LGR4: variants seen among roughly 807,000 people sequenced by gnomAD.
LGR4 encodes leucine-rich repeat-containing G protein-coupled receptor 4.
A neutral mutation model predicts 84.8 loss-of-function variants in LGR4; 44 were observed. The observed-to-expected ratio is 0.52, with a 90% CI of 0.41 to 0.67. The LOEUF (loss-of-function observed/expected upper bound fraction) is 0.67, where lower values mean the gene tolerates loss of function less well. Among genes scored for constraint, LGR4 ranks in the 30% least tolerant of loss-of-function variants. LGR4 has a pLI of 0.00. For missense variants in LGR4, 1,032 were observed against 1,131.4 expected (o/e 0.91, Z 1.26); for synonymous variants, 429 against 434.3 (o/e 0.99, Z 0.15).
At position 27,460,085 on chromosome 11, in the gene LGR4, G is replaced by A. The variant is rs539053578; in HGVS notation, c.185+12033C>T. On this transcript the variant is annotated intron_variant, in intron 1 of 17. Coordinates refer to ENST00000379214, the MANE Select transcript of LGR4 (RefSeq NM_018490.5). ...AGCCTGGGCAACTGAACAAGACTCC[G>A]TCTCAAAAAAAAGAATAAGAGCTGA... Among the ~76,000 whole-genome samples the A allele has an allele frequency of 1.0e-3, 158 of 151,950 alleles. 1 individual carries two copies. The highest frequency in any genetic ancestry group is 3.4e-3 in the African/African-American group (143 of 41,474).
Position 27,470,663 on chromosome 11 carries a change from A to G in LGR4, c.185+1455T>C, listed in dbSNP as rs1864853327. ...TAACTTTATGAACAAAATGCTCTTC[A>G]CTGCAAAGTTAACTTTTTTTTTTAA... On this transcript the variant is annotated intron_variant, in intron 1 of 17. Coordinates refer to ENST00000379214, the MANE Select transcript of LGR4 (RefSeq NM_018490.5). Among the ~76,000 whole-genome samples, 5 of 150,642 alleles carry G rather than the reference A, an allele frequency of 3.3e-5. No homozygotes were observed. The South Asian group carries it at 1.1e-3, about 32-fold the overall frequency.
rs756457395 is a variant in LGR4 at position 27,398,960 on chromosome 11, G to A, written c.258-6442C>T. On this transcript the variant is annotated intron_variant, in intron 2 of 17. Coordinates refer to ENST00000379214, the MANE Select transcript of LGR4 (RefSeq NM_018490.5). ...TCATTCTTGTTGCCCAGGCTGGAGTGCAATGGCAGGATCTTGGCTCACTGC... is the reference window on the plus strand; with the variant it reads ...TCATTCTTGTTGCCCAGGCTGGAGTACAATGGCAGGATCTTGGCTCACTGC... 1.1e-4 allele frequency among the ~76,000 whole-genome samples: 17 copies of A among 152,086 alleles called. 1 individual carries two copies. The highest frequency in any genetic ancestry group is 4.4e-5 in the Non-Finnish European group (3 of 68,022).
chr11:27,453,589 C>T (rs1030953340), intron 1 of LGR4, among the ~76,000 whole-genome samples: 3 of 152,050 alleles, frequency 2.0e-5, no homozygotes, highest in African/African-American at 7.2e-5. Context: ...CACTAATCCC[C>T]CACCCCCCTG....
At chr11:27,373,909 T>G in intron 14 of LGR4, 66 bp downstream of exon 14, 1 of 1,182,946 alleles carries the variant, frequency 8.5e-7, no homozygotes, top group Non-Finnish European at 1.3e-6. Flanking sequence ...TCGACAATGT[T>G]AAAACAGATG....
At chr11:27,447,164 C>T (rs980261938) in intron 1 of LGR4, among the ~76,000 whole-genome samples, 2 of 151,798 alleles carry the variant, frequency 1.3e-5, no homozygotes, top group Non-Finnish European at 2.9e-5. Flanking sequence ...TACACATGTA[C>T]CCTAGAACTT....
chr11:27,381,076 A>T (rs1863084472), intron 7 of LGR4, 110 bp from the exon 8 acceptor site: 1 of 582,092 alleles, frequency 1.7e-6, no homozygotes, highest in African/African-American at 1.8e-5. Flanking sequence ...TAATGACTAC[A>T]TGAAAATTTT....
chr11:27,396,965 T>C (rs1236153646), intron 2 of LGR4, among the ~76,000 whole-genome samples: 1 of 152,188 alleles, frequency 6.6e-6, no homozygotes, highest in African/African-American at 2.4e-5. Context: ...TTTCAACCCA[T>C]CCACTCTTTG....
At chr11:27,462,685 C>A (rs1227823008) in intron 1 of LGR4, among the ~76,000 whole-genome samples, 1 of 152,034 alleles carries the variant, frequency 6.6e-6, no homozygotes, top group Non-Finnish European at 1.5e-5. Flanking sequence ...TGACAAATTG[C>A]ATTCTCACTC....
intron 1 of LGR4, among the ~76,000 whole-genome samples, chr11:27,460,941 G>A (rs1273614512): frequency 6.6e-6 from 1 of 151,436 alleles, no homozygotes; most frequent in Non-Finnish European, 1.5e-5. Flanking sequence ...ACGCACAACT[G>A]TATTTGAAAC....
intron 2 of LGR4, among the ~76,000 whole-genome samples, chr11:27,408,710 A>T (rs1174614857): frequency 2.0e-5 from 3 of 152,122 alleles, no homozygotes; most frequent in African/African-American, 7.2e-5. Context: ...CATTGTGAAC[A>T]GAAACTCCAA....
In LGR4 at chr11:27,436,406, G is replaced by A. The variant is rs1222139040; in HGVS notation, c.186-23546C>T. Among the ~76,000 whole-genome samples, 3 of 150,494 alleles carry A rather than the reference G, an allele frequency of 2.0e-5. 1 individual carries two copies. The highest frequency in any genetic ancestry group is 7.3e-5 in the African/African-American group (3 of 41,100). On this transcript the variant is annotated intron_variant, in intron 1 of 17. Coordinates refer to ENST00000379214, the MANE Select transcript of LGR4 (RefSeq NM_018490.5). ...GAGAGGATGGGAGGGGAGGGGAGGG[G>A]AGGGGAGGAAGGAAGGAAAGAAACT...
intron 1 of LGR4, among the ~76,000 whole-genome samples, chr11:27,415,469 G>A (rs543126738): frequency 4.4e-4 from 67 of 152,130 alleles, no homozygotes; most frequent in African/African-American, 1.5e-3. Flanking sequence ...CACACGCACA[G>A]CTCTGATTTT....
chr11:27,417,037 G>A (rs1015436873), intron 1 of LGR4, among the ~76,000 whole-genome samples: 1 of 152,042 alleles, frequency 6.6e-6, no homozygotes, highest in African/African-American at 2.4e-5. Context: ...TACTGGGTCT[G>A]GGCCTTCTGC....
chr11:27,445,845 A>G (rs1034825286), intron 1 of LGR4, among the ~76,000 whole-genome samples: 1 of 151,932 alleles, frequency 6.6e-6, no homozygotes, highest in Non-Finnish European at 1.5e-5. Context: ...CCACTGTACT[A>G]CAGGCTGGGC....
intron 1 of LGR4, among the ~76,000 whole-genome samples, chr11:27,427,349 A>G (rs1485713374): frequency 6.6e-6 from 1 of 152,172 alleles, no homozygotes; most frequent in Non-Finnish European, 1.5e-5. Flanking sequence ...AGTACAGGGA[A>G]GGGCCTCCGA....
At chr11:27,377,617 T>G (rs137858099) in intron 11 of LGR4, among the ~76,000 whole-genome samples, 1 of 152,196 alleles carries the variant, frequency 6.6e-6, no homozygotes, top group East Asian at 1.9e-4. Context: ...AAATTTGTAT[T>G]TTTTCAATAT....
chr11:27,399,369 A>C (rs1394168196), intron 2 of LGR4, among the ~76,000 whole-genome samples: 2 of 152,182 alleles, frequency 1.3e-5, no homozygotes, highest in Non-Finnish European at 2.9e-5. Context: ...AAAGAACACT[A>C]GGCACAACCA....
intron 1 of LGR4, among the ~76,000 whole-genome samples, chr11:27,465,322 A>G (rs1314719618): frequency 6.6e-6 from 1 of 152,224 alleles, no homozygotes; most frequent in African/African-American, 2.4e-5. Flanking sequence ...GCATTGCTGA[A>G]CCCAGATGCA....
chr11:27,391,065 G>A, intron 4 of LGR4, 29 bp downstream of exon 4: 1 of 1,351,786 alleles, frequency 7.4e-7, no homozygotes, highest in Non-Finnish European at 1.0e-6. Flanking sequence ...TAGTCTCTTG[G>A]TGAGTCAAGA....
Sources: gnomAD v4.1 joint callset for allele counts (sites outside exome capture counted in the v4.1 genomes callset) on GRCh38, gnomAD v4.1.1 for gene constraint, MANE v1.5 for transcripts, NCBI Gene and HGNC (gene_info 2026-07-23, HGNC 2026-07-21) for gene names.